Variants in BRWD1 observed in about 807,000 individuals in gnomAD.
BRWD1 encodes the protein bromodomain and WD repeat-containing protein 1.
Under a neutral mutation model 251.2 loss-of-function variants are expected in BRWD1, and 82 were observed. That is an observed-to-expected ratio of 0.33 (90% confidence interval 0.27 to 0.39). The LOEUF is 0.39. Among genes scored for constraint, BRWD1 ranks in the 10% least tolerant of loss-of-function variants. The probability of loss-of-function intolerance (pLI) is 1.00; values close to 1 mark genes in which losing one functional copy is unlikely to be tolerated. For missense variants in BRWD1, 2,233 were observed against 2,711.6 expected, an observed-to-expected ratio of 0.82 and a Z score of 3.92; for synonymous variants, 918 against 902.8, an observed-to-expected ratio of 1.02 and a Z score of -0.30.
At chr21:39,206,868 T>C (rs1454524456) in intron 36 of BRWD1, among the ~76,000 whole-genome samples, 1 of 152,214 alleles carries the variant, frequency 6.6e-6, no homozygotes, top group African/African-American at 2.4e-5. Flanking sequence ...TGGATACAGC[T>C]ATGTATGTAC....
chr21:39,314,534 G>T, upstream of BRWD1: 1 of 352,106 alleles, frequency 2.8e-6, no homozygotes, highest in South Asian at 2.1e-5. Flanking sequence ...TGGAAGACTA[G>T]TAGGATGTGA....
chr21:39,184,488 C>G (rs1315297445), downstream of BRWD1: 2 of 152,150 alleles, frequency 1.3e-5, no homozygotes, highest in African/African-American at 4.8e-5. Context: ...AAAACCGTTT[C>G]CTAGATTTAG....
In BRWD1 at chr21:39,195,695, A is replaced by G. The variant is rs2031775332; in HGVS notation, c.*564T>C. Reference sequence around the variant, plus strand: ...GAAAATTAGAAACCATTTCAATGAAAGTGACCAGATCTGGTATAATGCATT... The same window carrying G: ...GAAAATTAGAAACCATTTCAATGAAGGTGACCAGATCTGGTATAATGCATT... On this transcript the variant is annotated 3_prime_UTR_variant, in exon 41 of 41. Coordinates refer to ENST00000342449, the MANE Select transcript of BRWD1 (RefSeq NM_033656.4). 1.0e-6 allele frequency: 1 copy of G among 985,478 alleles called. No homozygotes were observed. The highest frequency in any genetic ancestry group is 6.2e-5 in the Admixed American group (1 of 16,222). The allele number at this position is 985,478 out of a possible 1,614,324, so 61.0% of individuals were successfully genotyped here.
Position 39,190,371 on chromosome 21 carries a change from G to A in BRWD1, c.*5888C>T. 2.0e-6 allele frequency: 2 copies of A among 985,102 alleles called. No homozygotes were observed. The highest frequency in any genetic ancestry group is 2.4e-6 in the Non-Finnish European group (2 of 829,748). The allele number at this position is 985,102 out of a possible 1,614,324, so 61.0% of individuals were successfully genotyped here. A position where few individuals can be genotyped will look rare whatever the true frequency, so the allele number is the denominator to read the frequency against. On this transcript the variant is annotated 3_prime_UTR_variant, in exon 41 of 41. Transcript: ENST00000342449. ...AATTTTCATTGGCATTTTTAAAATTGGAGCATTTAAAACAGATTTGAGAAT... is the reference window on the plus strand; with the variant it reads ...AATTTTCATTGGCATTTTTAAAATTAGAGCATTTAAAACAGATTTGAGAAT...
rs566571475 is a variant in BRWD1 at position 39,229,730 on chromosome 21, A to G, written c.3001-294T>C. 6.6e-5 allele frequency among the ~76,000 whole-genome samples: 10 copies of G among 152,184 alleles called. No individual in the cohort carries two copies. In the East Asian group the frequency reaches 1.9e-3, roughly 29 times the overall value. On this transcript the variant is annotated intron_variant, in intron 25 of 40. Coordinates refer to ENST00000342449, the MANE Select transcript of BRWD1 (RefSeq NM_033656.4). Reference sequence around the variant, plus strand: ...ACAATCACTGTTAAAAATCTAACATATTTCCTTCTGGCTTTGTTTTGGAAA... The same window carrying G: ...ACAATCACTGTTAAAAATCTAACATGTTTCCTTCTGGCTTTGTTTTGGAAA...
At chr21:39,251,177 T>C (rs2034381210) in intron 19 of BRWD1, among the ~76,000 whole-genome samples, 1 of 152,176 alleles carries the variant, frequency 6.6e-6, no homozygotes, top group Non-Finnish European at 1.5e-5. Flanking sequence ...TCAAAACGTC[T>C]TCATGATTTT....
intron 31 of BRWD1, chr21:39,217,494 T>C (rs908380781): frequency 4.7e-5 from 9 of 192,458 alleles, no homozygotes; most frequent in Non-Finnish European, 8.5e-5. Context: ...AAAGCAAAAC[T>C]ACTTGGCCAA....
chr21:39,215,547 G>A (rs1195558383), intron 31 of BRWD1, among the ~76,000 whole-genome samples, 185 bp from the exon 32 acceptor site: 1 of 152,152 alleles, frequency 6.6e-6, no homozygotes, highest in East Asian at 1.9e-4. Context: ...GGACACCGAA[G>A]CAATTATATT....
chr21:39,245,203 C>G (rs551475419), intron 21 of BRWD1, among the ~76,000 whole-genome samples: 1 of 151,950 alleles, frequency 6.6e-6, no homozygotes, highest in East Asian at 1.9e-4. Context: ...ATGACTGCAC[C>G]ATGCACTACA....
chr21:39,251,634 C>T (rs1379200018), intron 19 of BRWD1, among the ~76,000 whole-genome samples: 1 of 152,162 alleles, frequency 6.6e-6, no homozygotes, highest in South Asian at 2.1e-4. Flanking sequence ...TCTCTAAGTA[C>T]GCCAGACAGC....
chr21:39,254,329 C>G (rs1445065679), intron 19 of BRWD1, among the ~76,000 whole-genome samples: 2 of 152,110 alleles, frequency 1.3e-5, no homozygotes, highest in Non-Finnish European at 2.9e-5. Context: ...AGATATAGGT[C>G]AAAAATTTAC....
chr21:39,317,473 C>T (rs1038996158), upstream of BRWD1, among the ~76,000 whole-genome samples: 2 of 152,194 alleles, frequency 1.3e-5, no homozygotes, highest in African/African-American at 4.8e-5. Context: ...CAAGCTGAGG[C>T]GCAGAGGAAG....
chr21:39,263,658 G>A (rs2034827013), intron 17 of BRWD1, among the ~76,000 whole-genome samples: 1 of 152,164 alleles, frequency 6.6e-6, no homozygotes, highest in Non-Finnish European at 1.5e-5. Context: ...GAACAATGAT[G>A]AAGTTAGAAA....
At chr21:39,315,788 A>T (rs2036692022), upstream of BRWD1, 2 of 151,908 alleles carry the variant, frequency 1.3e-5, no homozygotes, top group Admixed American at 1.3e-4. Flanking sequence ...GCCATCAAAG[A>T]CTTCAGCGTC....
chr21:39,301,947 G>T (rs1393528283), intron 4 of BRWD1, among the ~76,000 whole-genome samples: 3 of 135,036 alleles, frequency 2.2e-5, no homozygotes, highest in African/African-American at 8.2e-5. Flanking sequence ...TGAAGTCACT[G>T]TCAACAAACC....
chr21:39,199,658 G>T lies in BRWD1; in HGVS notation c.4758C>A (p.Pro1586=). 1 of 1,593,198 alleles carries T rather than the reference G, an allele frequency of 6.3e-7. No individual in the cohort carries two copies. Among genetic ancestry groups the T allele is most frequent in the Non-Finnish European group, 8.5e-7 (1 of 1,172,088 alleles). The change falls in exon 40 of 41, where the codon CCC becomes CCA. Residue 1586 remains proline, a synonymous_variant. Transcript: ENST00000342449. Reference sequence around the variant, plus strand: ...TGCCACATCCATTTGCTAATGAAACGGGACCTAGAAATAAGGTTAACAATA... The same window carrying T: ...TGCCACATCCATTTGCTAATGAAACTGGACCTAGAAATAAGGTTAACAATA... ...RTRAAQRKTG[P]VSLANGCGRK... is the part of the protein sequence containing the mutation.
chr21:39,304,993 T>C (rs909758523), intron 4 of BRWD1, among the ~76,000 whole-genome samples: 42 of 143,040 alleles, frequency 2.9e-4, no homozygotes, highest in African/African-American at 1.0e-3. Flanking sequence ...GGAGTCTTGC[T>C]CTGTCGCCCA....
intron 21 of BRWD1, among the ~76,000 whole-genome samples, chr21:39,241,204 G>A (rs186111314): frequency 1.4e-3 from 214 of 151,682 alleles, no homozygotes; most frequent in African/African-American, 5.1e-3. Context: ...GGTGGCTCAC[G>A]CCTGTAATCC....
chr21:39,210,894 G>C lies in BRWD1; in HGVS notation c.3936C>G (p.Asn1312Lys), dbSNP rs765934676. The C allele has an allele frequency of 6.2e-7, 1 of 1,611,444 alleles. No individual in the cohort carries two copies. The highest frequency in any genetic ancestry group is 2.2e-5 in the East Asian group (1 of 44,768). The change falls in exon 35 of 41, where the codon AAC becomes AAG. Residue 1312 changes from asparagine (N) to lysine (K), a missense_variant. By Grantham distance (94) the Asn-to-Lys change is moderately conservative. Transcript: ENST00000342449. ...HDGKKSIRAT[N>K]YVESNWKKQC... ...GTTTCTTCCAGTTGCTTTCAACATA[G>C]TTCGTAGCTCTGATGCTTTTTTTCC...
Sources: allele counts gnomAD v4.1 joint callset (sites outside exome capture counted in the v4.1 genomes callset), GRCh38; gene constraint gnomAD v4.1.1; transcripts MANE v1.5; gene names NCBI Gene and HGNC (gene_info 2026-07-23, HGNC 2026-07-21).